Variants in OSBPL10 observed in about 807,000 individuals in gnomAD.
The protein encoded by OSBPL10 is oxysterol binding protein like 10.
OSBPL10 carries 49 observed loss-of-function variants against 81.7 expected under a neutral mutation model. The ratio of observed to expected loss-of-function variants is 0.60; its 90% confidence interval spans 0.48 to 0.76. The LOEUF (loss-of-function observed/expected upper bound fraction) is 0.76. Among genes scored for constraint, OSBPL10 ranks in the 30% least tolerant of loss-of-function variants. OSBPL10 has a pLI of 0.00. For missense variants in OSBPL10, 923 were observed against 987.8 expected, an observed-to-expected ratio of 0.93 and a Z score of 0.88; for synonymous variants, 419 against 383.6, an observed-to-expected ratio of 1.09 and a Z score of -1.08.
Position 31,877,670 on chromosome 3 carries a change from C to G in OSBPL10, c.458-1158G>C, listed in dbSNP as rs141311882. 8.6e-5 allele frequency among the ~76,000 whole-genome samples: 13 copies of G among 152,018 alleles called. No homozygotes were observed. In the East Asian group the frequency reaches 2.3e-3, roughly 27 times the overall value. ...CCATAAAACCTGACTTCAGCTTGAA[C>G]TTTCAGGAGAAGAAATCTAGAGTTA... On this transcript the variant is annotated intron_variant, in intron 2 of 11. Coordinates refer to ENST00000396556, the MANE Select transcript of OSBPL10 (RefSeq NM_017784.5).
chr3:31,778,532 CAA>C (rs1343959942), intron 4 of OSBPL10, among the ~76,000 whole-genome samples: 1 of 151,966 alleles, frequency 6.6e-6, no homozygotes, highest in East Asian at 1.9e-4. Context: ...AAAAAATGAA[CAA>C]AGACTCCAAG....
intron 2 of OSBPL10, chr3:32,030,053 G>A (rs954380021): frequency 1.1e-5 from 2 of 174,166 alleles, no homozygotes; most frequent in African/African-American, 4.8e-5. Flanking sequence ...AGAAGAGACT[G>A]AGTCATAAAA....
intron 4 of OSBPL10, among the ~76,000 whole-genome samples, chr3:31,796,598 T>C (rs1467599862): frequency 6.6e-6 from 1 of 152,170 alleles, no homozygotes; most frequent in Admixed American, 6.5e-5. Context: ...TCTACTGACA[T>C]TTTAGGTCAG....
chr3:31,749,308 T>C (rs1308333640), intron 4 of OSBPL10, among the ~76,000 whole-genome samples: 1 of 152,226 alleles, frequency 6.6e-6, no homozygotes, highest in Non-Finnish European at 1.5e-5. Context: ...CGGCGATTAC[T>C]TCAAAACGAT....
chr3:32,035,319 T>C lies in OSBPL10; in HGVS notation n.298+11172A>G, dbSNP rs535586055. Among the ~76,000 whole-genome samples the C allele has an allele frequency of 1.1e-3, 161 of 152,134 alleles. 1 individual carries two copies. Among genetic ancestry groups the C allele is most frequent in the Non-Finnish European group, 1.8e-3 (121 of 68,016 alleles). ...GCTCATGCCTGTAATCCCAGCACTT[T>C]TGGAGGCAAAGGCAGGCAGATCACT... On this transcript the variant is annotated intron_variant and non_coding_transcript_variant, in intron 2 of 3. Coordinates refer to the OSBPL10 transcript ENST00000479173.
intron 4 of OSBPL10, chr3:31,794,979 T>A (rs1278435986): frequency 3.3e-6 from 1 of 305,330 alleles, no homozygotes; most frequent in African/African-American, 2.3e-5. Flanking sequence ...AGGAGCCATT[T>A]ATCTCTTATG....
At chr3:31,927,094 G>C (rs1464055024) in intron 1 of OSBPL10, among the ~76,000 whole-genome samples, 1 of 152,186 alleles carries the variant, frequency 6.6e-6, no homozygotes, top group East Asian at 1.9e-4. Context: ...CTGGGTGACA[G>C]AGTGAGACTC....
At chr3:32,039,012 CTT>C (rs1699546292) in intron 2 of OSBPL10, among the ~76,000 whole-genome samples, 1 of 151,878 alleles carries the variant, frequency 6.6e-6, no homozygotes, top group Non-Finnish European at 1.5e-5. Flanking sequence ...ATAATAAAAA[CTT>C]AGGAGCTATT....
chr3:31,800,859 T>G (rs1434956014), intron 4 of OSBPL10, among the ~76,000 whole-genome samples: 2 of 152,224 alleles, frequency 1.3e-5, no homozygotes, highest in Non-Finnish European at 2.9e-5. Flanking sequence ...TTTCATGCCT[T>G]TTGGCTTGCT....
chr3:31,874,380 G>A (rs1045026850), intron 3 of OSBPL10, among the ~76,000 whole-genome samples: 2 of 151,994 alleles, frequency 1.3e-5, no homozygotes, highest in East Asian at 1.9e-4. Flanking sequence ...TCATAAACTT[G>A]ACTGCAAAAA....
Position 31,670,872 on chromosome 3 carries a change from ATGC to A in OSBPL10, c.1835_1837del (p.Ser612del). 6.2e-7 allele frequency: 1 copy of A among 1,614,170 alleles called. No individual in the cohort carries two copies. Among genetic ancestry groups the A allele is most frequent in the Non-Finnish European group, 8.5e-7 (1 of 1,180,028 alleles). On this transcript the variant is annotated inframe_deletion, in exon 9 of 12. Coordinates refer to ENST00000396556, the MANE Select transcript of OSBPL10 (RefSeq NM_017784.5). ...TGAGTACCCAGTCTTGGCACAGTTG[ATGC>A]TGACTTTTCCTCCGAGCTCCACCCA...
intron 1 of OSBPL10, among the ~76,000 whole-genome samples, chr3:31,896,753 G>T (rs1247790318): frequency 6.6e-6 from 1 of 152,326 alleles, no homozygotes; most frequent in Admixed American, 6.5e-5. Context: ...GAAGAATGGT[G>T]GGCCAGCCAG....
intron 4 of OSBPL10, among the ~76,000 whole-genome samples, chr3:31,805,296 A>G (rs1429857009): frequency 5.1e-4 from 78 of 152,128 alleles, no homozygotes; most frequent in Non-Finnish European, 4.4e-5. Flanking sequence ...AGGTCCTTGC[A>G]CCTATTACCA....
intron 6 of OSBPL10, among the ~76,000 whole-genome samples, chr3:31,715,103 G>A (rs893312537): frequency 6.6e-6 from 1 of 151,302 alleles, no homozygotes; most frequent in Non-Finnish European, 1.5e-5. Flanking sequence ...ACTTCCTCTA[G>A]CCTAGTCTGA....
At chr3:31,768,939 C>T (rs987241903) in intron 4 of OSBPL10, among the ~76,000 whole-genome samples, 5 of 152,104 alleles carry the variant, frequency 3.3e-5, no homozygotes, top group South Asian at 2.1e-4. Context: ...CCATTTTTGC[C>T]CATTCCATTG....
At chr3:32,029,742 G>A (rs1559552057) in intron 2 of OSBPL10, among the ~76,000 whole-genome samples, 1 of 152,150 alleles carries the variant, frequency 6.6e-6, no homozygotes, top group East Asian at 1.9e-4. Context: ...TCATCTCACT[G>A]TAACCAATGT....
chr3:31,900,915 GA>G (rs1307136762), intron 1 of OSBPL10, among the ~76,000 whole-genome samples: 7 of 152,110 alleles, frequency 4.6e-5, no homozygotes, highest in Admixed American at 4.6e-4. Flanking sequence ...TTATAATAAG[GA>G]AAAATCCATT....
intron 6 of OSBPL10, among the ~76,000 whole-genome samples, chr3:31,710,034 G>C (rs907475933): frequency 6.6e-6 from 1 of 152,214 alleles, no homozygotes; most frequent in African/African-American, 2.4e-5. Flanking sequence ...AAGTCATAGT[G>C]AGGATAAGGA....
chr3:32,033,645 T>C (rs1699492489), intron 2 of OSBPL10, among the ~76,000 whole-genome samples: 1 of 152,252 alleles, frequency 6.6e-6, no homozygotes, highest in Non-Finnish European at 1.5e-5. Flanking sequence ...TGATAGGTTT[T>C]ATGAGACATT....
Sources: gnomAD v4.1 joint callset for allele counts (sites outside exome capture counted in the v4.1 genomes callset) on GRCh38, gnomAD v4.1.1 for gene constraint, MANE v1.5 for transcripts, NCBI Gene and HGNC (gene_info 2026-07-23, HGNC 2026-07-21) for gene names.